MICAL2: variants seen among roughly 807,000 people sequenced by gnomAD.
The protein encoded by MICAL2 is microtubule associated monooxygenase, calponin and LIM domain containing 2, also known as [F-actin]-monooxygenase MICAL2.
In MICAL2, 77 loss-of-function variants were observed where a neutral mutation model predicts 127.3. The ratio of observed to expected loss-of-function variants is 0.60; its 90% CI spans 0.50 to 0.73. The LOEUF (loss-of-function observed/expected upper bound fraction) is 0.73, where lower values mean the gene tolerates loss of function less well. MICAL2 is among the 30% of genes least tolerant of loss of function. The pLI is 0.00. For missense variants in MICAL2, 1,351 were observed against 1,434.4 expected (o/e 0.94, Z 0.94); for synonymous variants, 570 against 551.1 (o/e 1.03, Z -0.48).
At chr11:12,298,206 T>C (rs950449758) in intron 29 of MICAL2, among the ~76,000 whole-genome samples, 55 of 152,146 alleles carry the variant, frequency 3.6e-4, no homozygotes, top group Middle Eastern at 3.4e-3. Flanking sequence ...TTACAGCACA[T>C]AGATCTAGCA....
At chr11:12,238,404 G>T (rs12283815) in intron 16 of MICAL2, among the ~76,000 whole-genome samples, 1,842 of 152,260 alleles carry the variant, frequency 0.012, 37 homozygotes, top group African/African-American at 0.042. Context: ...AATGATCAAG[G>T]TCTACATCAC....
chr11:12,212,505 G>A (rs994565240), intron 6 of MICAL2, among the ~76,000 whole-genome samples: 3 of 151,788 alleles, frequency 2.0e-5, no homozygotes, highest in Admixed American at 1.3e-4. Flanking sequence ...AACAAAAAAC[G>A]AATGAGAGCT....
At chr11:12,155,598 C>T (rs540286256) in intron 2 of MICAL2, among the ~76,000 whole-genome samples, 86 of 152,324 alleles carry the variant, frequency 5.6e-4, no homozygotes, top group African/African-American at 2.0e-3. Context: ...AATAATCACA[C>T]ATGGCAAACA....
intron 2 of MICAL2, among the ~76,000 whole-genome samples, chr11:12,142,208 C>T (rs1046607246): frequency 6.6e-6 from 1 of 152,196 alleles, no homozygotes; most frequent in African/African-American, 2.4e-5. Flanking sequence ...ACAGCTCCTA[C>T]CTCATTGTTT....
chr11:12,169,493 C>A (rs888511027), intron 3 of MICAL2, among the ~76,000 whole-genome samples: 4 of 152,200 alleles, frequency 2.6e-5, no homozygotes, highest in Admixed American at 2.6e-4. Flanking sequence ...TCAAGTGATT[C>A]TCTTGCCTCA....
At chr11:12,309,904 C>T (rs4592402) in intron 29 of MICAL2, among the ~76,000 whole-genome samples, 61,010 of 151,914 alleles carry the variant, frequency 0.4, 14,915 homozygotes, top group Non-Finnish European at 0.55. Flanking sequence ...CATTGTGGTT[C>T]GGATTTGCAT....
intron 2 of MICAL2, among the ~76,000 whole-genome samples, chr11:12,148,475 G>T (rs989770328): frequency 3.9e-5 from 6 of 152,162 alleles, no homozygotes; most frequent in African/African-American, 1.4e-4. Flanking sequence ...GGTGAAGCTG[G>T]TGAGTTGGGA....
At chr11:12,175,283 C>T (rs931123649) in intron 3 of MICAL2, among the ~76,000 whole-genome samples, 4 of 152,106 alleles carry the variant, frequency 2.6e-5, no homozygotes, top group African/African-American at 7.2e-5. Flanking sequence ...CGAGACCAGC[C>T]TGGCCAACAT....
At chr11:12,265,349 T>C (rs143709657), downstream of MICAL2, among the ~76,000 whole-genome samples, 5 of 152,372 alleles carry the variant, frequency 3.3e-5, no homozygotes, top group African/African-American at 1.2e-4. Context: ...TTCAGAGATA[T>C]TGGATTAAAG....
downstream of MICAL2, among the ~76,000 whole-genome samples, chr11:12,290,034 TTC>T (rs1410404875): frequency 1.3e-5 from 2 of 152,206 alleles, no homozygotes; most frequent in Admixed American, 1.3e-4. Flanking sequence ...CTTCACCATC[TTC>T]TGAGAGAACC....
At chr11:12,359,512 C>A (rs1939178880), downstream of MICAL2, among the ~76,000 whole-genome samples, 1 of 152,124 alleles carries the variant, frequency 6.6e-6, no homozygotes, top group Non-Finnish European at 1.5e-5. Context: ...CTCTACAGAG[C>A]AAGGACAAAA....
At chr11:12,278,393 C>T (rs1342318612) in intron 1 of MICAL2, among the ~76,000 whole-genome samples, 1 of 152,148 alleles carries the variant, frequency 6.6e-6, no homozygotes, top group Non-Finnish European at 1.5e-5. Flanking sequence ...ACCAGCATCA[C>T]TGCAAACACG....
At chr11:12,189,504 A>G (rs1315923011) in intron 3 of MICAL2, among the ~76,000 whole-genome samples, 1 of 152,176 alleles carries the variant, frequency 6.6e-6, no homozygotes, top group Non-Finnish European at 1.5e-5. Flanking sequence ...TATTACAGGG[A>G]GCTAGGGTAG....
intron 3 of MICAL2, among the ~76,000 whole-genome samples, chr11:12,202,206 CCTT>C (rs1250165410): frequency 6.6e-6 from 1 of 152,140 alleles, no homozygotes; most frequent in Admixed American, 6.5e-5. Flanking sequence ...CCCAAAGTAT[CCTT>C]CTCTCCATCC....
chr11:12,281,860 T>C (rs4757333), intron 2 of MICAL2, among the ~76,000 whole-genome samples: 60,246 of 152,014 alleles, frequency 0.4, 12,852 homozygotes, highest in East Asian at 0.79. Context: ...GACCTGGAAC[T>C]GAGTGTTTTG....
At chr11:12,314,186 T>C (rs546514844) in intron 29 of MICAL2, among the ~76,000 whole-genome samples, 37 of 152,006 alleles carry the variant, frequency 2.4e-4, no homozygotes, top group Admixed American at 4.6e-4. Flanking sequence ...ACTGATATAT[T>C]TGGGTTTAAA....
At chr11:12,139,691 T>G (rs1453591508) in intron 2 of MICAL2, among the ~76,000 whole-genome samples, 1 of 152,138 alleles carries the variant, frequency 6.6e-6, no homozygotes, top group Non-Finnish European at 1.5e-5. Flanking sequence ...AAGAGCTGAT[T>G]GGCCAGTCTG....
chr11:12,138,939 C>A (rs1035590026), intron 2 of MICAL2, among the ~76,000 whole-genome samples: 1 of 152,160 alleles, frequency 6.6e-6, no homozygotes, highest in Non-Finnish European at 1.5e-5. Context: ...ATTTTATAGA[C>A]ATGGAGGCTG....
chr11:12,153,522 C>T (rs1853825942), intron 2 of MICAL2, among the ~76,000 whole-genome samples: 1 of 152,156 alleles, frequency 6.6e-6, no homozygotes, highest in Non-Finnish European at 1.5e-5. Context: ...ACTGCAACCT[C>T]CACCTCCCAG....
Sources: allele counts gnomAD v4.1 joint callset (sites outside exome capture counted in the v4.1 genomes callset), GRCh38; gene constraint gnomAD v4.1.1; transcripts MANE v1.5; gene names NCBI Gene and HGNC (gene_info 2026-07-23, HGNC 2026-07-21).